Variants in MYO10 observed in about 807,000 individuals in gnomAD.
The protein encoded by MYO10 is myosin X.
MYO10 carries 133 observed loss-of-function variants against 257.3 expected under a neutral mutation model. The ratio of observed to expected loss-of-function variants is 0.52; its 90% CI spans 0.45 to 0.60. MYO10 has a LOEUF of 0.60. Among genes scored for constraint, MYO10 ranks in the 20% least tolerant of loss-of-function variants. MYO10 has a pLI of 0.00. For synonymous variants in MYO10, 1,104 were observed against 1,028.6 expected, an observed-to-expected ratio of 1.07 and a Z score of -1.40; for missense variants, 2,399 against 2,635.7, an observed-to-expected ratio of 0.91 and a Z score of 1.97.
intron 14 of MYO10, among the ~76,000 whole-genome samples, chr5:16,763,098 A>G (rs1371345030): frequency 6.6e-6 from 1 of 152,184 alleles, no homozygotes; most frequent in Non-Finnish European, 1.5e-5. Flanking sequence ...CCATAATGAT[A>G]CACTATAGAG....
At chr5:16,898,595 A>G (rs1360298349) in intron 1 of MYO10, among the ~76,000 whole-genome samples, 1 of 151,582 alleles carries the variant, frequency 6.6e-6, no homozygotes, top group Non-Finnish European at 1.5e-5. Flanking sequence ...CTTTAGTAGA[A>G]ACGGGGTTTC....
At chr5:16,771,265 T>C (rs1041651403) in intron 9 of MYO10, among the ~76,000 whole-genome samples, 29 of 152,118 alleles carry the variant, frequency 1.9e-4, no homozygotes, top group African/African-American at 6.8e-4. Flanking sequence ...ATCAGTTCTG[T>C]CAAATTAGCA....
chr5:16,846,101 A>G (rs1305279652), intron 2 of MYO10, among the ~76,000 whole-genome samples: 1 of 152,214 alleles, frequency 6.6e-6, no homozygotes, highest in Non-Finnish European at 1.5e-5. Flanking sequence ...CACAGAATAC[A>G]GTGTCCAGGT....
chr5:16,685,801 G>A lies in MYO10; in HGVS notation c.3927C>T (p.His1309=), dbSNP rs754851684. ...SQWFSVLSQV[H]ASTDQEIQEM... ...CCTGGATCTCCTGGTCCGTGGACGC[G>A]TGGACCTGACTCAGCACGCTGAACC... The change falls in exon 29 of 41, where the codon CAC becomes CAT. Residue 1309 remains histidine, a synonymous_variant. Coordinates refer to ENST00000513610, the MANE Select transcript of MYO10 (RefSeq NM_012334.3). The A allele has an allele frequency of 1.4e-5, 22 of 1,602,434 alleles. No individual in the cohort carries two copies. The highest frequency in any genetic ancestry group is 3.3e-4 in the Middle Eastern group (2 of 6,074).
At position 16,701,111 on chromosome 5, in the gene MYO10, T is replaced by A; in HGVS notation, c.3284A>T (p.Asp1095Val). Reference sequence around the variant, plus strand: ...GGAAGTGATGGCACCGTCCTCATAGTCATCCTGGTCGTAGTCGTAGTCGCC... The same window carrying A: ...GGAAGTGATGGCACCGTCCTCATAGACATCCTGGTCGTAGTCGTAGTCGCC... ...PDGDYDYDQD[D>V]YEDGAITSGS... is the part of the protein sequence containing the mutation. Residue 1095 changes from aspartate to valine, a missense_variant, in exon 25 of 41, where the codon GAC becomes GTC. Physicochemically the swap from Asp to Val is radical, Grantham distance 152. Transcript: ENST00000513610. This position sits in a 1 kb window ranked among gnomAD's most constrained non-coding sequence, Gnocchi z 8.1. The A allele has an allele frequency of 6.3e-7, 1 of 1,592,024 alleles. No homozygotes were observed. The highest frequency in any genetic ancestry group is 8.5e-7 in the Non-Finnish European group (1 of 1,169,750).
intron 21 of MYO10, among the ~76,000 whole-genome samples, chr5:16,710,346 C>T (rs1247343826): frequency 6.6e-6 from 1 of 152,088 alleles, no homozygotes; most frequent in Admixed American, 6.6e-5. Flanking sequence ...ATGTTCAGGC[C>T]CGACTGCCCA....
chr5:16,877,816 G>T, intron 1 of MYO10, 109 bp from the exon 2 acceptor site: 2 of 802,246 alleles, frequency 2.5e-6, no homozygotes, highest in Non-Finnish European at 4.0e-6. Flanking sequence ...AAATCTTCTT[G>T]AAAAGTAAAT....
At chr5:16,668,549 G>C (rs1329447895) in intron 39 of MYO10, 81 bp from the exon 40 acceptor site, 2 of 1,161,602 alleles carry the variant, frequency 1.7e-6, no homozygotes, top group South Asian at 1.6e-5. Context: ...GACAGGCTTT[G>C]AGTGAAGTCC....
chr5:16,864,378 C>A (rs1323283945), intron 2 of MYO10, among the ~76,000 whole-genome samples: 2 of 152,096 alleles, frequency 1.3e-5, no homozygotes, highest in Admixed American at 6.5e-5. Context: ...TTCTAAGAGA[C>A]CTTGGTGAGG....
At chr5:16,677,852 C>T (rs145239208) in intron 33 of MYO10, among the ~76,000 whole-genome samples, 397 of 151,904 alleles carry the variant, frequency 2.6e-3, no homozygotes, top group African/African-American at 9.0e-3. Context: ...CCTCTGCATC[C>T]TGGGTTCAAG....
At chr5:16,912,802 G>GCACACACA (rs70943817) in intron 1 of MYO10, among the ~76,000 whole-genome samples, 6,803 of 111,536 alleles carry the variant, frequency 0.061, 360 homozygotes, top group African/African-American at 0.078. Flanking sequence ...CTACCACCCT[G>GCACACACA]CACACACACA....
At chr5:16,824,939 A>C (rs1002731134) in intron 2 of MYO10, among the ~76,000 whole-genome samples, 1 of 152,234 alleles carries the variant, frequency 6.6e-6, no homozygotes, top group Non-Finnish European at 1.5e-5. Context: ...GAACAGAGGT[A>C]AATCAAAATC....
intron 1 of MYO10, among the ~76,000 whole-genome samples, chr5:16,926,087 T>C (rs1229117343): frequency 6.6e-6 from 1 of 152,182 alleles, no homozygotes; most frequent in Non-Finnish European, 1.5e-5. Flanking sequence ...GATATCCCAA[T>C]GACCCTGATG....
At chr5:16,699,683 A>G in intron 25 of MYO10, 110 bp from the exon 26 acceptor site, 1 of 1,384,450 alleles carries the variant, frequency 7.2e-7, no homozygotes, top group African/African-American at 1.4e-5. Flanking sequence ...GCTACTCAAG[A>G]GGCTGAGGCA....
intron 19 of MYO10, among the ~76,000 whole-genome samples, chr5:16,716,960 A>G (rs1738900880): frequency 6.6e-6 from 1 of 151,892 alleles, no homozygotes; most frequent in African/African-American, 2.4e-5. Context: ...GAGCCTCCCA[A>G]ATGGGTAGCT....
At chr5:16,680,149 T>G in intron 32 of MYO10, 45 bp from the exon 33 acceptor site, 1 of 1,583,386 alleles carries the variant, frequency 6.3e-7, no homozygotes, top group Non-Finnish European at 8.6e-7. Context: ...AACGCCAACC[T>G]CGGGGACTGA....
intron 9 of MYO10, among the ~76,000 whole-genome samples, chr5:16,778,225 T>A (rs969036643): frequency 6.6e-6 from 1 of 152,002 alleles, no homozygotes. Context: ...CCAGGCCCGA[T>A]TGGGTGGGGC....
At chr5:16,766,307 A>T (rs1343317349) in intron 10 of MYO10, 109 bp from the exon 11 acceptor site, 4 of 777,606 alleles carry the variant, frequency 5.1e-6, no homozygotes, top group Non-Finnish European at 8.7e-6. Context: ...CGCAGAGTTT[A>T]GAGATTGCAT....
chr5:16,713,341 C>A, intron 19 of MYO10: 1 of 985,876 alleles, frequency 1.0e-6, no homozygotes. Flanking sequence ...ATCTTCCTGT[C>A]TCTCCAAGGG....
Sources: allele counts gnomAD v4.1 joint callset (sites outside exome capture counted in the v4.1 genomes callset), GRCh38; gene constraint gnomAD v4.1.1; non-coding constraint Gnocchi (gnomAD v3.1); transcripts MANE v1.5; gene names NCBI Gene and HGNC (gene_info 2026-07-23, HGNC 2026-07-21).